The following RNPEPL1 variants were observed in gnomAD, a reference collection of about 807,000 sequenced individuals.
RNPEPL1 encodes the protein arginyl aminopeptidase like 1.
Under a neutral mutation model 69.0 loss-of-function variants are expected in RNPEPL1, and 46 were observed. That is an observed-to-expected ratio of 0.67 (90% CI 0.53 to 0.85). The LOEUF (loss-of-function observed/expected upper bound fraction) is 0.85, where lower values mean the gene tolerates loss of function less well. Among genes scored for constraint, RNPEPL1 ranks in the 40% least tolerant of loss-of-function variants. The pLI is 0.00. For synonymous variants in RNPEPL1, 525 were observed against 454.1 expected, an observed-to-expected ratio of 1.16 and a Z score of -1.98; for missense variants, 869 against 992.5, an observed-to-expected ratio of 0.88 and a Z score of 1.67.
intron 6 of RNPEPL1, 69 bp from the exon 7 acceptor site, chr2:240,574,961 C>A: frequency 2.5e-6 from 3 of 1,190,114 alleles, no homozygotes; most frequent in Non-Finnish European, 3.8e-6. Context: ...AGCCTGACCA[C>A]TGCCCCTCCC....
chr2:240,577,729 T>G lies in RNPEPL1; in HGVS notation c.2015T>G (p.Ile672Ser). 6.2e-7 allele frequency: 1 copy of G among 1,612,580 alleles called. No individual in the cohort carries two copies. Among genetic ancestry groups the G allele is most frequent in the South Asian group, 1.1e-5 (1 of 91,016 alleles). The change falls in exon 11 of 11, where the codon ATC (isoleucine) becomes AGC (serine). Residue 672 changes from isoleucine to serine, a missense_variant. Transcript: ENST00000270357. ...AACCTGCGCAGAGCCATCCAGCAGA[T>G]CCTGTCCCAGGGCCTGGGCTCCAGC... ...HPNLRRAIQQ[I>S]LSQGLGSSTE... is the part of the protein sequence containing the mutation.
intron 7 of RNPEPL1, 167 bp downstream of exon 7, chr2:240,575,309 C>A: frequency 1.4e-6 from 1 of 731,500 alleles, no homozygotes; most frequent in Non-Finnish European, 2.3e-6. Flanking sequence ...TGGGTTGCCA[C>A]CTCCCCTTCT....
intron 1 of RNPEPL1, 43 bp from the exon 2 acceptor site, chr2:240,572,380 C>T: frequency 6.5e-7 from 1 of 1,532,352 alleles, no homozygotes; most frequent in Non-Finnish European, 8.7e-7. Context: ...GGCCCAGCAC[C>T]CTAGCTGGGT....
In RNPEPL1 at chr2:240,568,735, T is replaced by C. The variant is rs1469249666; in HGVS notation, c.149T>C (p.Leu50Pro). The change falls in exon 1 of 11, where the codon CTG becomes CCG. Residue 50 changes from leucine (L) to proline (P), a missense_variant. Coordinates refer to ENST00000270357, the MANE Select transcript of RNPEPL1 (RefSeq NM_018226.6). The surrounding 1 kb of genome is among the most constrained non-coding windows in gnomAD (Gnocchi z 6.2). Reference protein sequence around the residue: ...RLRHLQLGLELRPEARELAGC... With the variant: ...RLRHLQLGLEPRPEARELAGC... The stretch of plus-strand genomic sequence containing the variant: ...CGCCACCTGCAGCTGGGCCTGGAGC[T>C]GCGGCCCGAGGCGCGCGAGTTGGCC... The C allele has an allele frequency of 9.4e-7, 1 of 1,063,808 alleles. No homozygotes were observed. The highest frequency in any genetic ancestry group is 1.1e-6 in the Non-Finnish European group (1 of 878,338). 65.9% of individuals were successfully genotyped at this position (1,063,808 alleles called of 1,614,324 possible).
Position 240,568,850 on chromosome 2 carries a change from C to A in RNPEPL1, c.264C>A (p.Ala88=). 1.7e-6 allele frequency: 2 copies of A among 1,189,570 alleles called. No homozygotes were observed. Among genetic ancestry groups the A allele is most frequent in the Non-Finnish European group, 1.0e-6 (1 of 955,500 alleles). The allele number at this position is 1,189,570 out of a possible 1,614,324, so 73.7% of individuals were successfully genotyped here. A position where few individuals can be genotyped will look rare whatever the true frequency, so the allele number is the denominator to read the frequency against. The change falls in exon 1 of 11, where the codon GCC becomes GCA. Residue 88 remains alanine, a synonymous_variant. Transcript: ENST00000270357. This position sits in a 1 kb window ranked among gnomAD's most constrained non-coding sequence, Gnocchi z 6.2. ...DAHPALRLHS[A]AFRRAPAAAA... ...ACCCGGCTCTGCGCCTGCACTCAGC[C>A]GCCTTCCGTCGCGCCCCCGCCGCCG...
At position 240,576,755 on chromosome 2, in the gene RNPEPL1, G is replaced by T; in HGVS notation, c.1731G>T (p.Pro577=). ...LFLDRLLDGS[P]LPQEVVMSLS... ...TGGACCGGCTCCTGGATGGGTCCCC[G>T]CTGCCGCAGGGTGAGTCCCTGCAGC... The change falls in exon 9 of 11, where the codon CCG becomes CCT. Residue 577 remains proline (P), a synonymous_variant. Transcript: ENST00000270357. 1 of 1,612,830 alleles carries T rather than the reference G, an allele frequency of 6.2e-7. No individual in the cohort carries two copies. Among genetic ancestry groups the T allele is most frequent in the Non-Finnish European group, 8.5e-7 (1 of 1,179,850 alleles).
In RNPEPL1 at chr2:240,573,799, C is replaced by T; in HGVS notation, c.846C>T (p.Cys282=). 6.5e-7 allele frequency: 1 copy of T among 1,547,524 alleles called. No individual in the cohort carries two copies. The highest frequency in any genetic ancestry group is 8.7e-7 in the Non-Finnish European group (1 of 1,145,402). The change falls in exon 4 of 11, where the codon TGC becomes TGT. Residue 282 remains cysteine (C), a synonymous_variant. Transcript: ENST00000270357. ...GGAGCCGCGTGTGGGCCGAGCCATG[C>T]CTCCTGCCCACGGCCACCAGCAAGC... ...GPRSRVWAEP[C]LLPTATSKLS...
At position 240,579,019 on chromosome 2, in the gene RNPEPL1, C is replaced by G. The variant is rs529793238; in HGVS notation, c.*1127C>G. 6.6e-6 allele frequency: 1 copy of G among 152,420 alleles called. No individual in the cohort carries two copies. The highest frequency in any genetic ancestry group is 2.1e-4 in the South Asian group (1 of 4,836). The allele number at this position is 152,420 out of a possible 1,614,324, so 9.4% of individuals were successfully genotyped here. On this transcript the variant is annotated 3_prime_UTR_variant, in exon 11 of 11. Coordinates refer to ENST00000270357, the MANE Select transcript of RNPEPL1 (RefSeq NM_018226.6). ...CCCGGCCTCAGTGGTGATCCTTTCC[C>G]AAGATGGGTACAAGGTGACAGGCAT...
At position 240,580,663 on chromosome 2, in the gene RNPEPL1, A is replaced by G. The variant is rs888593369; in HGVS notation, c.*2771A>G. ...CAGTGGAAGTTCTAAGGGGCCTACA[A>G]CCACAGGGGCTGCAACCCCACCATA... is the stretch of plus-strand genomic sequence containing the variant. On this transcript the variant is annotated 3_prime_UTR_variant, in exon 11 of 11. Coordinates refer to ENST00000270357, the MANE Select transcript of RNPEPL1 (RefSeq NM_018226.6). 6.6e-6 allele frequency: 1 copy of G among 152,162 alleles called. No homozygotes were observed. The highest frequency in any genetic ancestry group is 2.4e-5 in the African/African-American group (1 of 41,416). 9.4% of individuals were successfully genotyped at this position (152,162 alleles called of 1,614,324 possible).
chr2:240,576,806 G>A (rs747279368), intron 9 of RNPEPL1, 41 bp downstream of exon 9: 1 of 1,612,450 alleles, frequency 6.2e-7, no homozygotes, highest in South Asian at 1.1e-5. Flanking sequence ...AGGGGCTGGG[G>A]TGCAACAGCG....
chr2:240,574,144 C>T lies in RNPEPL1; in HGVS notation c.970C>T (p.Pro324Ser). 1 of 1,613,312 alleles carries T rather than the reference C, an allele frequency of 6.2e-7. No individual in the cohort carries two copies. Among genetic ancestry groups the T allele is most frequent in the Admixed American group, 1.7e-5 (1 of 60,008 alleles). The change falls in exon 5 of 11, where the codon CCC (proline) becomes TCC (serine). Residue 324 changes from proline (P) to serine (S), a missense_variant. Physicochemically the swap from Pro to Ser is moderately conservative, Grantham distance 74. Transcript: ENST00000270357. ...YDIVFLPPSF[P>S]IVAMENPCLT... ...CATTGTCTTCCTGCCACCCTCCTTC[C>T]CCATCGTGGCCATGGAGAACCCCTG...
At chr2:240,577,136 G>A in intron 10 of RNPEPL1, 146 bp downstream of exon 10, 1 of 1,012,914 alleles carries the variant, frequency 9.9e-7, no homozygotes, top group Non-Finnish European at 1.4e-6. Flanking sequence ...TCTGTTGGGA[G>A]TGGGGGCATG....
rs1025715805 is a variant in RNPEPL1, at chr2:240,579,107, G to A, written c.*1215G>A. 2.0e-5 allele frequency: 3 copies of A among 152,228 alleles called. No homozygotes were observed. The highest frequency in any genetic ancestry group is 6.5e-5 in the Admixed American group (1 of 15,284). 9.4% of individuals were successfully genotyped at this position (152,228 alleles called of 1,614,324 possible). A position where few individuals can be genotyped will look rare whatever the true frequency, so the allele number is the denominator to read the frequency against. ...GCGATAGGTGTCGCTGCCCTTCACA[G>A]TCCCCAAGGATGTGGCGCCACCATC... On this transcript the variant is annotated 3_prime_UTR_variant, in exon 11 of 11. Transcript: ENST00000270357.
rs1158344304 is a variant in RNPEPL1, at chr2:240,580,164, G to C, written c.*2272G>C. 6.6e-6 allele frequency: 1 copy of C among 152,348 alleles called. No individual in the cohort carries two copies. Among genetic ancestry groups the C allele is most frequent in the Non-Finnish European group, 1.5e-5 (1 of 68,176 alleles). The allele number at this position is 152,348 out of a possible 1,614,324, so 9.4% of individuals were successfully genotyped here. ...CCTTTGTTCCTCTTCCACCCAGCTT[G>C]CAAGTGCAGAATTTTTTTTTAGCTC... On this transcript the variant is annotated 3_prime_UTR_variant, in exon 11 of 11. Coordinates refer to ENST00000270357, the MANE Select transcript of RNPEPL1 (RefSeq NM_018226.6).
Position 240,578,541 on chromosome 2 carries a change from CTCTTG to C in RNPEPL1, c.*651_*655del. The C allele has an allele frequency of 6.6e-6, 1 of 152,514 alleles. No individual in the cohort carries two copies. Among genetic ancestry groups the C allele is most frequent in the East Asian group, 1.9e-4 (1 of 5,230 alleles). The allele number at this position is 152,514 out of a possible 1,614,324, so 9.4% of individuals were successfully genotyped here. A position where few individuals can be genotyped will look rare whatever the true frequency, so the allele number is the denominator to read the frequency against. Reference sequence around the variant, plus strand: ...AGAGTGTGGGGACAGGACAGCCTGTCTCTTGTAGCTTCCTGGGGTGGGAGGCACAG... The same window carrying C: ...AGAGTGTGGGGACAGGACAGCCTGTCTAGCTTCCTGGGGTGGGAGGCACAG... On this transcript the variant is annotated 3_prime_UTR_variant, in exon 11 of 11. Transcript: ENST00000270357.
chr2:240,571,227 G>A (rs2093020500), intron 1 of RNPEPL1, among the ~76,000 whole-genome samples: 1 of 152,204 alleles, frequency 6.6e-6, no homozygotes, highest in Admixed American at 6.5e-5. Context: ...GGCACCAACA[G>A]GAAGTTTGGA....
At chr2:240,571,133 C>T (rs1191927818) in intron 1 of RNPEPL1, among the ~76,000 whole-genome samples, 1 of 152,136 alleles carries the variant, frequency 6.6e-6, no homozygotes, top group Admixed American at 6.5e-5. Flanking sequence ...AATGGCTCCC[C>T]AGGTGGGCCC....
intron 6 of RNPEPL1, 196 bp from the exon 7 acceptor site, chr2:240,574,834 T>A: frequency 1.5e-6 from 1 of 658,838 alleles, no homozygotes; most frequent in Middle Eastern, 3.1e-4. Context: ...TGAGCAGCAG[T>A]CACAGTGGTG....
chr2:240,578,193 C>A lies in RNPEPL1; in HGVS notation c.*301C>A. 3.3e-6 allele frequency: 1 copy of A among 303,750 alleles called. No homozygotes were observed. The highest frequency in any genetic ancestry group is 6.1e-6 in the Non-Finnish European group (1 of 163,616). 18.8% of individuals were successfully genotyped at this position (303,750 alleles called of 1,614,324 possible). On this transcript the variant is annotated 3_prime_UTR_variant, in exon 11 of 11. Coordinates refer to ENST00000270357, the MANE Select transcript of RNPEPL1 (RefSeq NM_018226.6). ...TGTGCCTAGCCCCGGATGCCAGCAC[C>A]TGCCAGGTGCCGCCCCGGGGCAAGG...
Sources: gnomAD v4.1 joint callset for allele counts (sites outside exome capture counted in the v4.1 genomes callset) on GRCh38, gnomAD v4.1.1 for gene constraint, Gnocchi (gnomAD v3.1) non-coding constraint, MANE v1.5 for transcripts, NCBI Gene and HGNC (gene_info 2026-07-23, HGNC 2026-07-21) for gene names.